Variants in CREB3L2 observed in about 807,000 individuals in gnomAD.
The protein encoded by CREB3L2 is cAMP responsive element binding protein 3 like 2.
In CREB3L2, 23 loss-of-function variants were observed where a neutral mutation model predicts 57.2. The observed-to-expected ratio is 0.40, with a 90% CI of 0.29 to 0.57. The LOEUF (loss-of-function observed/expected upper bound fraction) is 0.57. Among genes scored for constraint, CREB3L2 ranks in the 20% least tolerant of loss-of-function variants. CREB3L2 has a pLI of 0.42. For synonymous variants in CREB3L2, 268 were observed against 265.1 expected, an observed-to-expected ratio of 1.01 and a Z score of -0.11; for missense variants, 628 against 634.7, an observed-to-expected ratio of 0.99 and a Z score of 0.11.
In CREB3L2 at chr7:137,901,502, G is replaced by A. The variant is rs1799756486; in HGVS notation, c.975-80C>T. 8 of 874,694 alleles carry A rather than the reference G, an allele frequency of 9.1e-6. No individual in the cohort carries two copies. In the South Asian group the frequency reaches 1.1e-4, roughly 13 times the overall value. The allele number at this position is 874,694 out of a possible 1,614,324, so 54.2% of individuals were successfully genotyped here. ...AGGAGCTAGGGTGGAGGTAGGTGGGGATGAGGAAAAGGAGGGTTGGGGGGA... is the reference window on the plus strand; with the variant it reads ...AGGAGCTAGGGTGGAGGTAGGTGGGAATGAGGAAAAGGAGGGTTGGGGGGA... On this transcript the variant is annotated intron_variant, in intron 7 of 11. Transcript: ENST00000330387.
At position 137,875,953 on chromosome 7, in the gene CREB3L2, T is replaced by C. The variant is rs1799140490; in HGVS notation, c.*4523A>G. ...TTTTCCTGTGTTAAGTGCTGACCCT[T>C]TGACCACAAAGGCATGGAACATTAA... On this transcript the variant is annotated 3_prime_UTR_variant, in exon 12 of 12. Transcript: ENST00000330387. 4.4e-6 allele frequency: 1 copy of C among 226,252 alleles called. No individual in the cohort carries two copies. The highest frequency in any genetic ancestry group is 2.2e-5 in the African/African-American group (1 of 44,994). 14.0% of individuals were successfully genotyped at this position (226,252 alleles called of 1,614,324 possible). A position where few individuals can be genotyped will look rare whatever the true frequency, so the allele number is the denominator to read the frequency against.
intron 1 of CREB3L2, among the ~76,000 whole-genome samples, chr7:137,950,841 G>A (rs1010881917): frequency 1.3e-5 from 2 of 152,126 alleles, no homozygotes; most frequent in African/African-American, 4.8e-5. Flanking sequence ...CAAAGGCCTG[G>A]GGAGGCTTTC....
intron 2 of CREB3L2, among the ~76,000 whole-genome samples, chr7:137,917,574 G>A (rs1314768345): frequency 1.3e-5 from 2 of 152,178 alleles, no homozygotes; most frequent in African/African-American, 4.8e-5. Flanking sequence ...TCAAGAATGT[G>A]ACTCCAGTTT....
At chr7:137,992,129 A>C (rs1235185752) in intron 1 of CREB3L2, among the ~76,000 whole-genome samples, 2 of 152,126 alleles carry the variant, frequency 1.3e-5, no homozygotes, top group African/African-American at 4.8e-5. Flanking sequence ...GCAATTCAAC[A>C]TGAGGTAACT....
At chr7:137,978,667 G>GTGAC (rs1259108517) in intron 1 of CREB3L2, among the ~76,000 whole-genome samples, 1 of 152,210 alleles carries the variant, frequency 6.6e-6, no homozygotes, top group Admixed American at 6.5e-5. Context: ...AAGAAGCTGA[G>GTGAC]TGACTCAGTG....
intron 4 of CREB3L2, among the ~76,000 whole-genome samples, chr7:137,911,278 A>G (rs1245781586): frequency 6.6e-6 from 1 of 152,218 alleles, no homozygotes; most frequent in Non-Finnish European, 1.5e-5. Context: ...TATTTCACTA[A>G]GTATTATTAA....
At chr7:137,922,779 A>G in intron 2 of CREB3L2, 1 of 278,056 alleles carries the variant, frequency 3.6e-6, no homozygotes, top group Non-Finnish European at 7.7e-6. Flanking sequence ...TAAAGTGAAA[A>G]GAAAATTTTA....
chr7:137,968,200 T>A (rs1284655890), intron 1 of CREB3L2, among the ~76,000 whole-genome samples: 2 of 151,562 alleles, frequency 1.3e-5, no homozygotes, highest in Non-Finnish European at 2.9e-5. Flanking sequence ...GGACTGGAGC[T>A]AGCTACTCTT....
At chr7:137,983,671 G>A (rs937967235) in intron 1 of CREB3L2, among the ~76,000 whole-genome samples, 10 of 152,122 alleles carry the variant, frequency 6.6e-5, no homozygotes, top group Non-Finnish European at 8.8e-5. Context: ...CCACCTTCCC[G>A]GCCTGGCCAC....
chr7:137,896,197 G>C (rs892121556), intron 8 of CREB3L2, among the ~76,000 whole-genome samples: 1 of 152,240 alleles, frequency 6.6e-6, no homozygotes, highest in African/African-American at 2.4e-5. Context: ...AAAGAGAAAG[G>C]GGGAAGAGCA....
At chr7:137,994,704 G>T (rs564677081) in intron 1 of CREB3L2, among the ~76,000 whole-genome samples, 7 of 152,272 alleles carry the variant, frequency 4.6e-5, no homozygotes, top group African/African-American at 1.7e-4. Flanking sequence ...CTAGCACTGT[G>T]GGAGGCCGAG....
At chr7:137,881,023 C>T (rs140966082) in intron 11 of CREB3L2, among the ~76,000 whole-genome samples, 2 of 152,130 alleles carry the variant, frequency 1.3e-5, no homozygotes, top group African/African-American at 4.8e-5. Context: ...TGTGTAACAA[C>T]CTGGAAAATT....
intron 1 of CREB3L2, among the ~76,000 whole-genome samples, chr7:137,956,404 G>C (rs1178906599): frequency 2.0e-5 from 3 of 152,212 alleles, no homozygotes; most frequent in Non-Finnish European, 4.4e-5. Flanking sequence ...TCGTTTCGCA[G>C]TGTTAGCAGT....
intron 1 of CREB3L2, among the ~76,000 whole-genome samples, chr7:137,970,052 G>T (rs751435097): frequency 6.6e-6 from 1 of 152,124 alleles, no homozygotes; most frequent in African/African-American, 2.4e-5. Context: ...TTATGGGGGG[G>T]TTAGAAGATC....
At chr7:137,979,912 G>T (rs1171035295) in intron 1 of CREB3L2, among the ~76,000 whole-genome samples, 2 of 152,208 alleles carry the variant, frequency 1.3e-5, no homozygotes, top group African/African-American at 2.4e-5. Flanking sequence ...GGATCCAGGG[G>T]AGGCCACATC....
chr7:137,879,868 C>T lies in CREB3L2; in HGVS notation c.*608G>A. On this transcript the variant is annotated 3_prime_UTR_variant, in exon 12 of 12. Coordinates refer to ENST00000330387, the MANE Select transcript of CREB3L2 (RefSeq NM_194071.4). Reference sequence around the variant, plus strand: ...TTGCCTGGAGTAGAAAAGCCTGATCCCCTCAGGCATTGCACTTGCGGCCTG... The same window carrying T: ...TTGCCTGGAGTAGAAAAGCCTGATCTCCTCAGGCATTGCACTTGCGGCCTG... 8.5e-6 allele frequency: 2 copies of T among 235,128 alleles called. No homozygotes were observed. The highest frequency in any genetic ancestry group is 1.7e-5 in the Non-Finnish European group (2 of 119,130). 14.6% of individuals were successfully genotyped at this position (235,128 alleles called of 1,614,324 possible).
At position 137,916,028 on chromosome 7, in the gene CREB3L2, C is replaced by A. The variant is rs1463970671; in HGVS notation, c.320-16G>T. On this transcript the variant is annotated splice_polypyrimidine_tract_variant and intron_variant, in intron 2 of 11. Coordinates refer to ENST00000330387, the MANE Select transcript of CREB3L2 (RefSeq NM_194071.4). ...TCCACCTCATCTGCAGGAAAAAAGA[C>A]AAGCACACATGTGAACTTGTTCAGG... The A allele has an allele frequency of 6.2e-7, 1 of 1,606,614 alleles. No homozygotes were observed. Among genetic ancestry groups the A allele is most frequent in the East Asian group, 2.2e-5 (1 of 44,624 alleles).
chr7:137,926,174 G>A (rs563926671), intron 2 of CREB3L2, among the ~76,000 whole-genome samples: 105 of 152,304 alleles, frequency 6.9e-4, no homozygotes, highest in Non-Finnish European at 2.4e-4. Flanking sequence ...ACAGTGTGGC[G>A]ATTCCTTAAG....
chr7:137,930,926 T>TAA (rs775388497), intron 1 of CREB3L2, among the ~76,000 whole-genome samples: 2 of 105,712 alleles, frequency 1.9e-5, no homozygotes, highest in Admixed American at 1.1e-4. Flanking sequence ...GTCATTCCTT[T>TAA]TAAAAAAAAA....
Sources: allele counts gnomAD v4.1 joint callset (sites outside exome capture counted in the v4.1 genomes callset), GRCh38; gene constraint gnomAD v4.1.1; transcripts MANE v1.5; gene names NCBI Gene and HGNC (gene_info 2026-07-23, HGNC 2026-07-21).